Variants in KYAT1 observed in about 807,000 individuals in gnomAD.
KYAT1 encodes the protein kynurenine--oxoglutarate transaminase 1.
In KYAT1, 47 loss-of-function variants were observed where a neutral mutation model predicts 52.4. The observed-to-expected ratio is 0.90, with a 90% confidence interval of 0.71 to 1.14. The LOEUF (loss-of-function observed/expected upper bound fraction) is 1.14, where lower values mean the gene tolerates loss of function less well. Ranked by LOEUF, KYAT1 falls within the 50% of genes most tolerant of loss-of-function variation. KYAT1 has a pLI of 0.00. For missense variants in KYAT1, 480 were observed against 557.9 expected, an observed-to-expected ratio of 0.86 and a Z score of 1.41; for synonymous variants, 212 against 209.6, an observed-to-expected ratio of 1.01 and a Z score of -0.10.
At chr9:128,880,980 T>G (rs1838778288) in intron 1 of KYAT1, among the ~76,000 whole-genome samples, 3 of 152,244 alleles carry the variant, frequency 2.0e-5, no homozygotes, top group African/African-American at 7.2e-5. Flanking sequence ...CAACCGCAAT[T>G]AACAACTTCT....
intron 1 of KYAT1, among the ~76,000 whole-genome samples, chr9:128,872,128 C>CAAA (rs766267199): frequency 1.7e-5 from 1 of 57,240 alleles, no homozygotes; most frequent in Non-Finnish European, 3.5e-5. Context: ...AACTCTGTCT[C>CAAA]AAAAAAAAAA....
intron 1 of KYAT1, chr9:128,847,401 A>T (rs1002096479): frequency 3.5e-6 from 5 of 1,410,688 alleles, no homozygotes; most frequent in Non-Finnish European, 4.8e-6. Flanking sequence ...CAGGCCATGC[A>T]GGTGGCAGAG....
chr9:128,871,671 C>A (rs1212777819), intron 1 of KYAT1, among the ~76,000 whole-genome samples: 1 of 152,060 alleles, frequency 6.6e-6, no homozygotes, highest in Non-Finnish European at 1.5e-5. Context: ...ATAATCACAG[C>A]ACTGCATTCC....
chr9:128,852,602 G>A (rs974155214), intron 1 of KYAT1, among the ~76,000 whole-genome samples: 1 of 152,166 alleles, frequency 6.6e-6, no homozygotes, highest in Non-Finnish European at 1.5e-5. Context: ...TGTTGCAAAC[G>A]CAGGACTGAC....
At chr9:128,860,604 C>G (rs1453901686) in intron 1 of KYAT1, 1 of 144,834 alleles carries the variant, frequency 6.9e-6, no homozygotes, top group Non-Finnish European at 1.5e-5. Flanking sequence ...CTTGCTTTGT[C>G]GCCCAGGGTG....
At chr9:128,840,442 G>C (rs1344335626) in intron 3 of KYAT1, among the ~76,000 whole-genome samples, 2 of 152,082 alleles carry the variant, frequency 1.3e-5, no homozygotes, top group East Asian at 3.9e-4. Flanking sequence ...TTAGAGATGG[G>C]ATCTCACCAT....
intron 1 of KYAT1, chr9:128,847,723 T>A (rs1296306680): frequency 1.9e-6 from 1 of 528,688 alleles, no homozygotes; most frequent in Non-Finnish European, 3.4e-6. Context: ...AAGTGCTCTG[T>A]TGCATGATTA....
chr9:128,846,058 G>C (rs955154006), intron 1 of KYAT1, among the ~76,000 whole-genome samples: 1 of 152,184 alleles, frequency 6.6e-6, no homozygotes, highest in Non-Finnish European at 1.5e-5. Flanking sequence ...AGGGTCCCGG[G>C]GTCCTGGCTC....
Position 128,836,075 on chromosome 9 carries a change from T to TGCCC in KYAT1, c.689-6_689-3dup. The TGCCC allele has an allele frequency of 6.2e-7, 1 of 1,613,604 alleles. No homozygotes were observed. The highest frequency in any genetic ancestry group is 8.5e-7 in the Non-Finnish European group (1 of 1,179,694). ...GTTCCCACATGCCAGGGAGGCTGGC[T>TGCCC]GCCCAAGGCCGAACAGAACAGCTGC... On this transcript the variant is annotated splice_region_variant and splice_polypyrimidine_tract_variant and intron_variant, in intron 7 of 12. Transcript: ENST00000302586.
At chr9:128,859,697 G>T (rs1396628666) in intron 1 of KYAT1, among the ~76,000 whole-genome samples, 2 of 150,592 alleles carry the variant, frequency 1.3e-5, no homozygotes, top group Non-Finnish European at 1.5e-5. Context: ...TGCCCAGGCT[G>T]GAGCGCAGTG....
At chr9:128,851,288 CGTGA>C (rs1833925538) in intron 1 of KYAT1, among the ~76,000 whole-genome samples, 2 of 152,254 alleles carry the variant, frequency 1.3e-5, no homozygotes, top group South Asian at 4.1e-4. Context: ...ATGCTGAGAA[CGTGA>C]GTATTGAGGA....
At chr9:128,858,921 T>C (rs1267821293) in intron 1 of KYAT1, among the ~76,000 whole-genome samples, 1 of 148,932 alleles carries the variant, frequency 6.7e-6, no homozygotes, top group Non-Finnish European at 1.5e-5. Flanking sequence ...GGCAAGGGAA[T>C]TGCTTGGAGG....
In KYAT1 at chr9:128,870,490, A is replaced by C. The variant is rs531448578; in HGVS notation, c.-7+11407T>G. 5.9e-5 allele frequency among the ~76,000 whole-genome samples: 9 copies of C among 152,320 alleles called. No individual in the cohort carries two copies. In the East Asian group the frequency reaches 1.5e-3, roughly 26 times the overall value. ...TGTTTCTACAAAAAATACAAAAATC[A>C]GCCAGGCATGGTGGTGTGTGCCTGT... On this transcript the variant is annotated intron_variant, in intron 1 of 12. Coordinates refer to ENST00000302586, the MANE Select transcript of KYAT1 (RefSeq NM_004059.5).
intron 1 of KYAT1, among the ~76,000 whole-genome samples, chr9:128,856,256 T>C (rs537139672): frequency 2.2e-4 from 33 of 152,336 alleles, no homozygotes; most frequent in Admixed American, 1.4e-3. Context: ...AAGCTGCTGA[T>C]GGCCTCACAA....
At chr9:128,844,582 T>C (rs544763590) in intron 2 of KYAT1, among the ~76,000 whole-genome samples, 48 of 151,740 alleles carry the variant, frequency 3.2e-4, no homozygotes, top group African/African-American at 1.1e-3. Context: ...CCCAGCTACT[T>C]GGGAGGCTGA....
chr9:128,856,207 C>A (rs1834570152), intron 1 of KYAT1, among the ~76,000 whole-genome samples: 1 of 152,102 alleles, frequency 6.6e-6, no homozygotes, highest in Non-Finnish European at 1.5e-5. Flanking sequence ...GCATCAAAAG[C>A]CCAGTTCAAT....
At chr9:128,836,184 C>G in intron 7 of KYAT1, 111 bp from the exon 8 acceptor site, 2 of 805,358 alleles carry the variant, frequency 2.5e-6, no homozygotes, top group Admixed American at 2.6e-5. Context: ...CTGGATTCCT[C>G]TACATACTAA....
At chr9:128,846,451 T>C (rs1833105123) in intron 1 of KYAT1, among the ~76,000 whole-genome samples, 4 of 150,980 alleles carry the variant, frequency 2.6e-5, no homozygotes, top group Admixed American at 2.6e-4. Context: ...CAAAGAAACT[T>C]ATCTGGGCGT....
chr9:128,837,730 G>C lies in KYAT1; in HGVS notation c.522C>G (p.Arg174=). 2 of 1,614,130 alleles carry C rather than the reference G, an allele frequency of 1.2e-6. No individual in the cohort carries two copies. The highest frequency in any genetic ancestry group is 1.3e-5 in the African/African-American group (1 of 75,022). Residue 174 remains arginine (R), a synonymous_variant, in exon 6 of 13, where the codon CGC becomes CGG. Coordinates refer to ENST00000302586, the MANE Select transcript of KYAT1 (RefSeq NM_004059.5). ...GGGTGTTGAGGACCAGGGCTTTGGT[G>C]CGTGATGTGAATTTGCCGGCCAGCT... ...PMELAGKFTS[R]TKALVLNTPN...
Sources: gnomAD v4.1 joint callset for allele counts (sites outside exome capture counted in the v4.1 genomes callset) on GRCh38, gnomAD v4.1.1 for gene constraint, MANE v1.5 for transcripts, NCBI Gene and HGNC (gene_info 2026-07-23, HGNC 2026-07-21) for gene names.